The following SMARCD2 variants were observed in gnomAD, a reference collection of about 807,000 sequenced individuals.
The protein encoded by SMARCD2 is SWI/SNF related BAF chromatin remodeling complex subunit D2, also known as SWI/SNF-related matrix-associated actin-dependent regulator of chromatin subfamily D member 2.
Under a neutral mutation model 70.4 loss-of-function variants are expected in SMARCD2, and 39 were observed. That is an observed-to-expected ratio of 0.55 (90% CI 0.43 to 0.72). The LOEUF (loss-of-function observed/expected upper bound fraction) is 0.72. SMARCD2 is among the 30% of genes least tolerant of loss of function. The pLI is 0.00. For missense variants in SMARCD2, 540 were observed against 713.4 expected, an observed-to-expected ratio of 0.76 and a Z score of 2.77; for synonymous variants, 249 against 279.4, an observed-to-expected ratio of 0.89 and a Z score of 1.08.
intron 4 of SMARCD2, among the ~76,000 whole-genome samples, chr17:63,835,840 T>G (rs1445632788): frequency 5.3e-5 from 8 of 152,054 alleles, no homozygotes; most frequent in Non-Finnish European, 8.8e-5. Context: ...GCGATTCTCT[T>G]GCCTCAGTCT....
At chr17:63,839,937 G>A (rs939458858) in intron 1 of SMARCD2, among the ~76,000 whole-genome samples, 8 of 152,112 alleles carry the variant, frequency 5.3e-5, no homozygotes, top group Admixed American at 1.3e-4. Context: ...GACCATCCTG[G>A]CCAAGATGGT....
At position 63,832,211 on chromosome 17, in the gene SMARCD2, C is replaced by CT; in HGVS notation, c.*726_*727insA. 2 of 568,882 alleles carry CT rather than the reference C, an allele frequency of 3.5e-6. No homozygotes were observed. Among genetic ancestry groups the CT allele is most frequent in the Non-Finnish European group, 6.3e-6 (2 of 317,296 alleles). 35.2% of individuals were successfully genotyped at this position (568,882 alleles called of 1,614,324 possible). ...CCTCCCAGCCTCCCCATTCACCTTACCCTGGCCTCCACATGCACATACCCC... is the reference window on the plus strand; with the variant it reads ...CCTCCCAGCCTCCCCATTCACCTTACTCCTGGCCTCCACATGCACATACCCC... On this transcript the variant is annotated 3_prime_UTR_variant, in exon 13 of 13. Transcript: ENST00000448276.
chr17:63,836,853 C>A, intron 4 of SMARCD2, 69 bp downstream of exon 4: 1 of 1,537,962 alleles, frequency 6.5e-7, no homozygotes, highest in East Asian at 2.3e-5. Context: ...CTTGCTTGGC[C>A]CCTGGAAAAC....
intron 1 of SMARCD2, chr17:63,838,889 C>T: frequency 7.1e-6 from 7 of 985,444 alleles, no homozygotes; most frequent in Non-Finnish European, 7.2e-6. Flanking sequence ...CTTCATCCCG[C>T]ACTAAACCCA....
chr17:63,839,590 CAAACA>C (rs1904362437), intron 1 of SMARCD2, among the ~76,000 whole-genome samples: 1 of 68,764 alleles, frequency 1.5e-5, no homozygotes, highest in South Asian at 5.8e-4. Flanking sequence ...CAAAACAAAA[CAAACA>C]AAAAAAAACA....
intron 5 of SMARCD2, chr17:63,835,046 C>G (rs771225669): frequency 1.8e-6 from 1 of 558,354 alleles, no homozygotes; most frequent in African/African-American, 1.9e-5. Context: ...AATAACCACA[C>G]AAATCAACCT....
At chr17:63,841,376 G>A (rs1191327897) in intron 1 of SMARCD2, among the ~76,000 whole-genome samples, 1 of 152,274 alleles carries the variant, frequency 6.6e-6, no homozygotes, top group Non-Finnish European at 1.5e-5. Flanking sequence ...GGAGACATGA[G>A]TCGAAAACAG....
In SMARCD2 at chr17:63,833,715, G is replaced by A; in HGVS notation, c.1189C>T (p.Pro397Ser). Residue 397 changes from proline to serine, a missense_variant, in exon 10 of 13, where the codon CCT becomes TCT. Physicochemically the swap from Pro to Ser is moderately conservative, Grantham distance 74. Transcript: ENST00000448276. The surrounding 1 kb of genome is among the most constrained non-coding windows in gnomAD (Gnocchi z 4.3). ...CAGGCTGTCTTCTTCTGGTCGTTAG[G>A]GTCGACACTGCAGGCAGCACATGGG... ...IVINHVISVD[P>S]NDQKKTACYD... The A allele has an allele frequency of 6.2e-6, 10 of 1,613,974 alleles. No homozygotes were observed. The highest frequency in any genetic ancestry group is 8.5e-6 in the Non-Finnish European group (10 of 1,179,890).
rs2040199418 is a variant in SMARCD2 at position 63,832,197 on chromosome 17, C to T, written c.*741G>A. 1.7e-6 allele frequency: 1 copy of T among 584,936 alleles called. No homozygotes were observed. Among genetic ancestry groups the T allele is most frequent in the East Asian group, 2.9e-5 (1 of 34,760 alleles). 36.2% of individuals were successfully genotyped at this position (584,936 alleles called of 1,614,324 possible). ...AGGGCAACACCAGTCCTCCCAGCCT[C>T]CCCATTCACCTTACCCTGGCCTCCA... On this transcript the variant is annotated 3_prime_UTR_variant, in exon 13 of 13. Transcript: ENST00000448276.
At chr17:63,841,808 T>C (rs1369867157) in intron 1 of SMARCD2, among the ~76,000 whole-genome samples, 1 of 152,242 alleles carries the variant, frequency 6.6e-6, no homozygotes, top group East Asian at 1.9e-4. Context: ...GGCCTGTGAC[T>C]GGGCTGGGCC....
chr17:63,834,850 A>C lies in SMARCD2; in HGVS notation c.724-50T>G. 3.1e-5 allele frequency: 39 copies of C among 1,253,966 alleles called. No homozygotes were observed. The highest frequency in any genetic ancestry group is 4.1e-5 in the Non-Finnish European group (35 of 853,694). The allele number at this position is 1,253,966 out of a possible 1,614,324, so 77.7% of individuals were successfully genotyped here. On this transcript the variant is annotated intron_variant, in intron 5 of 12. Transcript: ENST00000448276. The surrounding 1 kb of genome is among the most constrained non-coding windows in gnomAD (Gnocchi z 5.6). Reference sequence around the variant, plus strand: ...TGGTGCTGCTGAGCTCTCAAATCTCAAGCTATGCTAAATCCCAAGAAAGAG... The same window carrying C: ...TGGTGCTGCTGAGCTCTCAAATCTCCAGCTATGCTAAATCCCAAGAAAGAG...
Position 63,837,723 on chromosome 17 carries a change from C to A in SMARCD2, c.217-98G>T. On this transcript the variant is annotated intron_variant, in intron 1 of 12. Transcript: ENST00000448276. The surrounding 1 kb of genome is among the most constrained non-coding windows in gnomAD (Gnocchi z 6.4). ...CATCCCTCTCGTCAGCCAGGTAGGG[C>A]CTGAGCAGCACACCAGAGCCCTGCT... 1 of 991,062 alleles carries A rather than the reference C, an allele frequency of 1.0e-6. No homozygotes were observed. The highest frequency in any genetic ancestry group is 1.5e-6 in the Non-Finnish European group (1 of 668,740). The allele number at this position is 991,062 out of a possible 1,614,324, so 61.4% of individuals were successfully genotyped here. A position where few individuals can be genotyped will look rare whatever the true frequency, so the allele number is the denominator to read the frequency against.
chr17:63,838,152 G>T (rs1441943595), intron 1 of SMARCD2, among the ~76,000 whole-genome samples: 2 of 152,138 alleles, frequency 1.3e-5, no homozygotes, highest in Non-Finnish European at 2.9e-5. Context: ...GGCCGAGGGA[G>T]AAAGGGGTCT....
rs1567763061 is a variant in SMARCD2, at chr17:63,837,695, C to G, written c.217-70G>C. 1 of 1,289,374 alleles carries G rather than the reference C, an allele frequency of 7.8e-7. No homozygotes were observed. Among genetic ancestry groups the G allele is most frequent in the Non-Finnish European group, 1.1e-6 (1 of 927,272 alleles). 79.9% of individuals were successfully genotyped at this position (1,289,374 alleles called of 1,614,324 possible). ...CCCTCCGGGACCCATAGCCCATGCCCTCCATCCCTCTCGTCAGCCAGGTAG... is the reference window on the plus strand; with the variant it reads ...CCCTCCGGGACCCATAGCCCATGCCGTCCATCCCTCTCGTCAGCCAGGTAG... On this transcript the variant is annotated intron_variant, in intron 1 of 12. Transcript: ENST00000448276. The surrounding 1 kb of genome is among the most constrained non-coding windows in gnomAD (Gnocchi z 6.4).
intron 1 of SMARCD2, among the ~76,000 whole-genome samples, chr17:63,839,840 A>G (rs1426173904): frequency 6.6e-6 from 1 of 152,156 alleles, no homozygotes; most frequent in Non-Finnish European, 1.5e-5. Flanking sequence ...AGTAAAAAGG[A>G]TTTTGAGGCC....
chr17:63,838,575 T>C, intron 1 of SMARCD2: 1 of 1,421,390 alleles, frequency 7.0e-7, no homozygotes, highest in African/African-American at 1.4e-5. Context: ...GAGACAGAAA[T>C]AGCTTCTTTA....
At position 63,835,653 on chromosome 17, in the gene SMARCD2, A is replaced by G. The variant is rs1004817282; in HGVS notation, c.568-86T>C. On this transcript the variant is annotated intron_variant, in intron 4 of 12. Transcript: ENST00000448276. Reference sequence around the variant, plus strand: ...CGCATCTTCTCATATGAACCATTCAACAATCAGTACTGAGCACCATGAGCC... The same window carrying G: ...CGCATCTTCTCATATGAACCATTCAGCAATCAGTACTGAGCACCATGAGCC... 6.7e-6 allele frequency: 9 copies of G among 1,335,758 alleles called. No homozygotes were observed. In the African/African-American group the frequency reaches 8.7e-5, roughly 13 times the overall value. 82.7% of individuals were successfully genotyped at this position (1,335,758 alleles called of 1,614,324 possible). A position where few individuals can be genotyped will look rare whatever the true frequency, so the allele number is the denominator to read the frequency against.
In SMARCD2 at chr17:63,833,191, A is replaced by C; in HGVS notation, c.1441-21T>G. ...ATGATCTGCAAAGAGCCAGGAGGAAAGCCATAGCATAATCCCCACCCCTGG... is the reference window on the plus strand; with the variant it reads ...ATGATCTGCAAAGAGCCAGGAGGAACGCCATAGCATAATCCCCACCCCTGG... On this transcript the variant is annotated intron_variant, in intron 11 of 12. Transcript: ENST00000448276. This position sits in a 1 kb window ranked among gnomAD's most constrained non-coding sequence, Gnocchi z 4.3. 5.0e-6 allele frequency: 8 copies of C among 1,609,066 alleles called. No individual in the cohort carries two copies. Among genetic ancestry groups the C allele is most frequent in the Non-Finnish European group, 6.8e-6 (8 of 1,177,176 alleles).
chr17:63,839,508 T>C (rs992460358), intron 1 of SMARCD2, among the ~76,000 whole-genome samples: 2 of 148,418 alleles, frequency 1.3e-5, no homozygotes, highest in African/African-American at 5.1e-5. Context: ...ATAGTTCAAG[T>C]CCCAGCTGAG....
Sources: allele counts gnomAD v4.1 joint callset (sites outside exome capture counted in the v4.1 genomes callset), GRCh38; gene constraint gnomAD v4.1.1; non-coding constraint Gnocchi (gnomAD v3.1); transcripts MANE v1.5; gene names NCBI Gene and HGNC (gene_info 2026-07-23, HGNC 2026-07-21).